Variants in ZC3H4 observed in about 807,000 individuals in gnomAD.
The protein encoded by ZC3H4 is zinc finger CCCH-type containing 4.
ZC3H4 carries 13 observed loss-of-function variants against 108.3 expected under a neutral mutation model. The ratio of observed to expected loss-of-function variants is 0.12; its 90% CI spans 0.08 to 0.19. ZC3H4 has a LOEUF of 0.19. ZC3H4 is among the 10% of genes least tolerant of loss of function. The probability of loss-of-function intolerance (pLI) is 1.00; values close to 1 mark genes in which losing one functional copy is unlikely to be tolerated. For missense variants in ZC3H4, 1,734 were observed against 1,838.8 expected, an observed-to-expected ratio of 0.94 and a Z score of 1.04; for synonymous variants, 917 against 749.6, an observed-to-expected ratio of 1.22 and a Z score of -3.65.
In ZC3H4 at chr19:47,085,162, C is replaced by G. The variant is rs2122880364; in HGVS notation, c.1001G>C (p.Gly334Ala). The G allele has an allele frequency of 6.2e-7, 1 of 1,613,492 alleles. No homozygotes were observed. The highest frequency in any genetic ancestry group is 8.5e-7 in the Non-Finnish European group (1 of 1,179,824). Residue 334 changes from glycine to alanine, a missense_variant, in exon 8 of 15, where the codon GGT (glycine) becomes GCT (alanine). By Grantham distance (60) the Gly-to-Ala change is moderately conservative. This residue lies in a region of ZC3H4 where 403 missense variants were observed against 457.0 expected (regional missense o/e 0.88). Coordinates refer to ENST00000253048, the MANE Select transcript of ZC3H4 (RefSeq NM_015168.2). ...GCCCCGACCCATTCCTTTCCCTCGA[C>G]CTCGGGAGCCCCTGCCACGGCCTCG... Reference protein sequence around the residue: ...LSRGRGRGSRGRGKGMGRGRG... With the variant: ...LSRGRGRGSRARGKGMGRGRG...
Position 47,067,059 on chromosome 19 carries a change from T to G in ZC3H4, c.3209A>C (p.Asp1070Ala). 1.2e-6 allele frequency: 2 copies of G among 1,607,484 alleles called. No individual in the cohort carries two copies. The highest frequency in any genetic ancestry group is 1.1e-5 in the South Asian group (1 of 90,434). ...GGTGGGGGCCTTCCGCACCCGGGGG[T>G]CACTGGGTTTGTCGCTGGAACCGGG... is the stretch of plus-strand genomic sequence containing the variant. ...AAPGSSDKPS[D>A]PRVRKAPTDP... is the part of the protein sequence containing the mutation. The change falls in exon 15 of 15, where the codon GAC becomes GCC. Residue 1070 changes from aspartate (D) to alanine (A), a missense_variant. By Grantham distance (126) the Asp-to-Ala change is moderately radical. Around this residue, in one of 9 missense-constraint regions of ZC3H4, gnomAD observed 518 missense variants for 499.6 expected, o/e 1.04. Coordinates refer to ENST00000253048, the MANE Select transcript of ZC3H4 (RefSeq NM_015168.2). The surrounding 1 kb of genome is among the most constrained non-coding windows in gnomAD (Gnocchi z 6.4).
intron 2 of ZC3H4, chr19:47,111,051 T>C (rs921007197): frequency 2.8e-6 from 1 of 363,142 alleles, no homozygotes; most frequent in African/African-American, 2.2e-5. Flanking sequence ...ACCCCCCGGC[T>C]AAGGAAGGGT....
Position 47,112,600 on chromosome 19 carries a change from GA to G in ZC3H4, c.-5-12del. On this transcript the variant is annotated splice_polypyrimidine_tract_variant and intron_variant, in intron 1 of 14. Transcript: ENST00000253048. ...CGGCCTCCATAGTTCCTTTGGGGGGGAGGGGATGTTAATGCACGAAAAAGGA... is the reference window on the plus strand; with the variant it reads ...CGGCCTCCATAGTTCCTTTGGGGGGGGGGGATGTTAATGCACGAAAAAGGA... 1 of 1,207,490 alleles carries G rather than the reference GA, an allele frequency of 8.3e-7. No individual in the cohort carries two copies. Among genetic ancestry groups the G allele is most frequent in the South Asian group, 4.0e-5 (1 of 24,754 alleles). The allele number at this position is 1,207,490 out of a possible 1,614,324, so 74.8% of individuals were successfully genotyped here. A position where few individuals can be genotyped will look rare whatever the true frequency, so the allele number is the denominator to read the frequency against.
At chr19:47,075,258 T>C (rs2057399630) in intron 11 of ZC3H4, among the ~76,000 whole-genome samples, 1 of 152,094 alleles carries the variant, frequency 6.6e-6, no homozygotes, top group African/African-American at 2.4e-5. Flanking sequence ...GGGGGACCCG[T>C]GGAGGCAGAA....
At position 47,065,996 on chromosome 19, in the gene ZC3H4, G is replaced by T. The variant is rs868831754; in HGVS notation, c.*360C>A. On this transcript the variant is annotated 3_prime_UTR_variant, in exon 15 of 15. Transcript: ENST00000253048. The stretch of plus-strand genomic sequence containing the variant: ...CTGTTCCCTTTGTCCTGGGGAAAAG[G>T]GGCCATGCTTTGCCCAGAAAACCCA... The T allele has an allele frequency of 1.1e-5, 2 of 190,078 alleles. No individual in the cohort carries two copies. Among genetic ancestry groups the T allele is most frequent in the Non-Finnish European group, 2.1e-5 (2 of 93,840 alleles). 11.8% of individuals were successfully genotyped at this position (190,078 alleles called of 1,614,324 possible).
Position 47,069,063 on chromosome 19 carries a change from G to A in ZC3H4, c.2398+29C>T, listed in dbSNP as rs755583717. The A allele has an allele frequency of 1.9e-5, 30 of 1,601,140 alleles. No homozygotes were observed. In the African/African-American group the frequency reaches 3.1e-4, roughly 16 times the overall value. On this transcript the variant is annotated intron_variant, in intron 14 of 14. Coordinates refer to ENST00000253048, the MANE Select transcript of ZC3H4 (RefSeq NM_015168.2). ...TCCCCTGCACAGCGGCCTGGGGCCT[G>A]TGCCCCGGCCCCTGGGGCGGACACG...
In ZC3H4 at chr19:47,090,211, A is replaced by G. The variant is rs1181054778; in HGVS notation, c.493-22T>C. 1.9e-6 allele frequency: 3 copies of G among 1,613,658 alleles called. No individual in the cohort carries two copies. In the African/African-American group the frequency reaches 4.0e-5, roughly 22 times the overall value. On this transcript the variant is annotated intron_variant, in intron 4 of 14. Transcript: ENST00000253048. ...GGGACTGCGTCCCAGAGATGGGGAA[A>G]AGAGGTGAGCCGGATCCCACAGCCG...
At chr19:47,093,274 G>A (rs1340465445) in intron 4 of ZC3H4, among the ~76,000 whole-genome samples, 1 of 151,786 alleles carries the variant, frequency 6.6e-6, no homozygotes, top group Non-Finnish European at 1.5e-5. Flanking sequence ...TTTTCTGGGG[G>A]AAGAAATGGT....
chr19:47,084,733 C>G (rs952003772), intron 8 of ZC3H4, among the ~76,000 whole-genome samples: 5 of 152,220 alleles, frequency 3.3e-5, no homozygotes, highest in Non-Finnish European at 7.3e-5. Context: ...GTCCACCACA[C>G]CCAGAGGTGG....
Position 47,066,712 on chromosome 19 carries a change from T to C in ZC3H4, c.3556A>G (p.Lys1186Glu). ...GNGKSSASKAKEPPFVRKSAL... is the reference protein window; with the variant it reads ...GNGKSSASKAEEPPFVRKSAL... ...GACTTGCGGACGAACGGGGGCTCCT[T>C]AGCCTTGGAGGCCGAGCTCTTGCCA... Residue 1186 changes from lysine (K) to glutamate (E), a missense_variant, in exon 15 of 15, where the codon AAG (lysine) becomes GAG (glutamate). This residue lies in a region of ZC3H4 where 518 missense variants were observed against 499.6 expected (regional missense o/e 1.04). Transcript: ENST00000253048. The C allele has an allele frequency of 6.2e-7, 1 of 1,608,880 alleles. No homozygotes were observed. Among genetic ancestry groups the C allele is most frequent in the Non-Finnish European group, 8.5e-7 (1 of 1,178,762 alleles).
intron 11 of ZC3H4, among the ~76,000 whole-genome samples, chr19:47,080,082 G>A (rs528994362): frequency 4.6e-5 from 7 of 152,054 alleles, no homozygotes; most frequent in Non-Finnish European, 7.4e-5. Context: ...TCTGGAAGCC[G>A]GCAGATGTGC....
At chr19:47,084,149 G>A (rs1216954225) in intron 9 of ZC3H4, among the ~76,000 whole-genome samples, 196 bp downstream of exon 9, 2 of 152,110 alleles carry the variant, frequency 1.3e-5, no homozygotes, top group African/African-American at 4.8e-5. Flanking sequence ...CTTACTGGGG[G>A]TCCTCCTCAC....
At chr19:47,112,122 G>A in intron 2 of ZC3H4, 1 of 1,074,734 alleles carries the variant, frequency 9.3e-7, no homozygotes, top group Non-Finnish European at 1.1e-6. Context: ...GGACGGGCGC[G>A]GGGGGTCCGA....
In ZC3H4 at chr19:47,066,980, C is replaced by T; in HGVS notation, c.3288G>A (p.Lys1096=). 3 of 1,589,468 alleles carry T rather than the reference C, an allele frequency of 1.9e-6. No individual in the cohort carries two copies. Among genetic ancestry groups the T allele is most frequent in the South Asian group, 2.3e-5 (2 of 88,488 alleles). The change falls in exon 15 of 15, where the codon AAG becomes AAA. Residue 1096 remains lysine (K), a synonymous_variant. Transcript: ENST00000253048. ...TDSTASSRAA[K]PGPAEAPSPT... ...GAGAGGGCGCCTCAGCAGGGCCGGG[C>T]TTGGCAGCCCGGGAGGAGGCCGTAG...
chr19:47,066,252 G>C lies in ZC3H4; in HGVS notation c.*104C>G. Reference sequence around the variant, plus strand: ...AGCAAAAGAAAAAGAAAAGAAAAAAGGAACACCCAGCCTGCCTCCCCTTGC... The same window carrying C: ...AGCAAAAGAAAAAGAAAAGAAAAAACGAACACCCAGCCTGCCTCCCCTTGC... On this transcript the variant is annotated 3_prime_UTR_variant, in exon 15 of 15. Transcript: ENST00000253048. 1.2e-6 allele frequency: 1 copy of C among 867,180 alleles called. No individual in the cohort carries two copies. The highest frequency in any genetic ancestry group is 1.6e-6 in the Non-Finnish European group (1 of 606,246). The allele number at this position is 867,180 out of a possible 1,614,324, so 53.7% of individuals were successfully genotyped here.
In ZC3H4 at chr19:47,099,415, C is replaced by T. The variant is rs12976349; in HGVS notation, c.162-4807G>A. ...CGGAGGTTGCAGTGAGCCAAGATCACGCCACTACACTCCAGCCTGGGCAAC... is the reference window on the plus strand; with the variant it reads ...CGGAGGTTGCAGTGAGCCAAGATCATGCCACTACACTCCAGCCTGGGCAAC... On this transcript the variant is annotated intron_variant, in intron 2 of 14. Transcript: ENST00000253048. Among the ~76,000 whole-genome samples the T allele has an allele frequency of 9.6e-3, 1,451 of 151,370 alleles. 9 individuals are homozygous for T. The highest frequency in any genetic ancestry group is 0.015 in the Non-Finnish European group (1,009 of 67,888).
At chr19:47,089,156 A>G (rs2057685573) in intron 5 of ZC3H4, among the ~76,000 whole-genome samples, 1 of 144,020 alleles carries the variant, frequency 6.9e-6, no homozygotes, top group Non-Finnish European at 1.5e-5. Context: ...CAGTGAGCCG[A>G]GATCGCGCCA....
intron 2 of ZC3H4, among the ~76,000 whole-genome samples, chr19:47,095,559 A>T (rs189495824): frequency 5.3e-5 from 8 of 152,020 alleles, no homozygotes; most frequent in Non-Finnish European, 8.8e-5. Context: ...GTGTCACCCC[A>T]ATCTCCAGGA....
At chr19:47,097,958 C>T (rs12461923) in intron 2 of ZC3H4, among the ~76,000 whole-genome samples, 19,974 of 152,222 alleles carry the variant, frequency 0.13, 1,660 homozygotes, top group East Asian at 0.27. Flanking sequence ...CCTGGGAGAC[C>T]GACTTGGAAC....
Sources: gnomAD v4.1 joint callset for allele counts (sites outside exome capture counted in the v4.1 genomes callset) on GRCh38, gnomAD v4.1.1 for gene constraint, gnomAD v4.1.1 regional missense constraint, Gnocchi (gnomAD v3.1) non-coding constraint, MANE v1.5 for transcripts, NCBI Gene and HGNC (gene_info 2026-07-23, HGNC 2026-07-21) for gene names.